The following MED27 variants were observed in gnomAD, a reference collection of about 807,000 sequenced individuals.
The protein encoded by MED27 is mediator of RNA polymerase II transcription subunit 27.
Under a neutral mutation model 38.2 loss-of-function variants are expected in MED27, and 30 were observed. The ratio of observed to expected loss-of-function variants is 0.79; its 90% CI spans 0.59 to 1.07. The LOEUF (loss-of-function observed/expected upper bound fraction) is 1.07. Among genes scored for constraint, MED27 ranks in the 50% least tolerant of loss-of-function variants. The pLI, the probability that MED27 is intolerant of heterozygous loss-of-function variation, is 0.00. For synonymous variants in MED27, 122 were observed against 153.5 expected (o/e 0.79, Z 1.52); for missense variants, 289 against 397.5 (o/e 0.73, Z 2.32).
intron 2 of MED27, among the ~76,000 whole-genome samples, chr9:132,068,857 T>C (rs1259862931): frequency 6.6e-6 from 1 of 152,066 alleles, no homozygotes; most frequent in Non-Finnish European, 1.5e-5. Flanking sequence ...TGTGTGTGGC[T>C]GGCAAGTGAA....
chr9:132,056,090 A>AT (rs1479463657), intron 2 of MED27, among the ~76,000 whole-genome samples: 4 of 152,196 alleles, frequency 2.6e-5, no homozygotes, highest in Non-Finnish European at 5.9e-5. Context: ...TAAAATTGCA[A>AT]TTTTATCCTC....
intron 2 of MED27, chr9:132,073,421 C>G: frequency 9.2e-7 from 1 of 1,091,264 alleles, no homozygotes; most frequent in Non-Finnish European, 1.1e-6. Context: ...GTACCAGGCG[C>G]CTTGCTAGTT....
chr9:131,884,083 T>C lies in MED27; in HGVS notation c.698A>G (p.Lys233Arg). 1 of 1,611,420 alleles carries C rather than the reference T, an allele frequency of 6.2e-7. No homozygotes were observed. Among genetic ancestry groups the C allele is most frequent in the African/African-American group, 1.3e-5 (1 of 74,972 alleles). ...CTTCTGGAATACTTGATAGTTGGAT[T>C]TGGACCATATATCAAGCTGAGGGGA... Reference protein sequence around the residue: ...TEDGKLDIWSKSNYQVFQKVT... With the variant: ...TEDGKLDIWSRSNYQVFQKVT... The change falls in exon 6 of 8, where the codon AAA becomes AGA. Residue 233 changes from lysine (K) to arginine (R), a missense_variant. Lys to Arg is a conservative substitution (Grantham distance 26). Coordinates refer to ENST00000292035, the MANE Select transcript of MED27 (RefSeq NM_004269.4).
At chr9:131,939,336 A>G in intron 4 of MED27, 45 bp downstream of exon 4, 1 of 1,383,878 alleles carries the variant, frequency 7.2e-7, no homozygotes, top group Non-Finnish European at 1.0e-6. Flanking sequence ...TGTGAAGTCC[A>G]TTTTTTCCCC....
chr9:132,017,604 G>C (rs1005493218), intron 2 of MED27, among the ~76,000 whole-genome samples: 2 of 152,200 alleles, frequency 1.3e-5, no homozygotes, highest in African/African-American at 4.8e-5. Flanking sequence ...GGGAATGGGA[G>C]TGTTTATGTG....
intron 4 of MED27, among the ~76,000 whole-genome samples, chr9:131,895,634 A>C (rs565567640): frequency 6.6e-6 from 1 of 152,254 alleles, no homozygotes; most frequent in Non-Finnish European, 1.5e-5. Context: ...CATGGTAAGA[A>C]AAAACATTTA....
chr9:132,017,614 G>A (rs1398501902), intron 2 of MED27, among the ~76,000 whole-genome samples: 3 of 152,282 alleles, frequency 2.0e-5, no homozygotes, highest in South Asian at 2.1e-4. Context: ...GTGTTTATGT[G>A]CTGAGTTGGA....
intron 4 of MED27, among the ~76,000 whole-genome samples, chr9:131,930,906 T>G (rs74486476): frequency 0.029 from 4,484 of 152,256 alleles, 226 homozygotes; most frequent in African/African-American, 0.1. Flanking sequence ...TTTGCCTTTT[T>G]TTTGTTTGTT....
chr9:131,979,196 C>T (rs1006928686), intron 3 of MED27, among the ~76,000 whole-genome samples: 2 of 152,080 alleles, frequency 1.3e-5, no homozygotes, highest in African/African-American at 4.8e-5. Context: ...TCTGGCTCTC[C>T]CGAGGCACAT....
intron 3 of MED27, among the ~76,000 whole-genome samples, chr9:131,994,424 T>C (rs1423841500): frequency 6.6e-6 from 1 of 152,112 alleles, no homozygotes; most frequent in Non-Finnish European, 1.5e-5. Flanking sequence ...CCCAGGGCAA[T>C]GGCAGAGATT....
At chr9:132,034,297 T>C (rs866125584) in intron 2 of MED27, among the ~76,000 whole-genome samples, 60 of 151,622 alleles carry the variant, frequency 4.0e-4, no homozygotes, top group African/African-American at 1.4e-3. Flanking sequence ...GAAAGAGGAG[T>C]TTAAAAGTGT....
At chr9:132,047,853 C>T (rs936903358) in intron 2 of MED27, among the ~76,000 whole-genome samples, 2 of 151,910 alleles carry the variant, frequency 1.3e-5, no homozygotes, top group Admixed American at 1.3e-4. Flanking sequence ...CAAGAATGAA[C>T]ACAACAAAGC....
intron 3 of MED27, among the ~76,000 whole-genome samples, chr9:131,957,991 G>T (rs1831139917): frequency 6.6e-6 from 1 of 152,006 alleles, no homozygotes; most frequent in African/African-American, 2.4e-5. Context: ...CTGGGAGGGG[G>T]CAGATGACTG....
At chr9:132,045,903 C>T (rs1833326675) in intron 2 of MED27, among the ~76,000 whole-genome samples, 1 of 152,168 alleles carries the variant, frequency 6.6e-6, no homozygotes, top group South Asian at 2.1e-4. Flanking sequence ...TCACTACTTC[C>T]TCCAGGTTGC....
At chr9:132,019,687 C>T (rs897818962) in intron 2 of MED27, among the ~76,000 whole-genome samples, 3 of 152,352 alleles carry the variant, frequency 2.0e-5, no homozygotes, top group East Asian at 1.9e-4. Context: ...TCACACCATT[C>T]GCAGGAGGAC....
chr9:131,928,192 G>C (rs1342450853), intron 4 of MED27, among the ~76,000 whole-genome samples: 1 of 152,136 alleles, frequency 6.6e-6, no homozygotes, highest in Non-Finnish European at 1.5e-5. Context: ...GTGGCTCTTA[G>C]GAAAATGCCG....
rs1406036171 is a variant in MED27 at position 131,917,584 on chromosome 9, G to A, written c.573+21797C>T. On this transcript the variant is annotated intron_variant, in intron 4 of 7. Coordinates refer to ENST00000292035, the MANE Select transcript of MED27 (RefSeq NM_004269.4). The surrounding 1 kb of genome is among the most constrained non-coding windows in gnomAD (Gnocchi z 4.6). ...GTGGGGGGCTAGTGTGCAGGGACGA[G>A]GTAGGCTGATAGCACATCAGGAAGA... is the stretch of plus-strand genomic sequence containing the variant. Among the ~76,000 whole-genome samples the A allele has an allele frequency of 6.6e-6, 1 of 152,168 alleles. No individual in the cohort carries two copies. The highest frequency in any genetic ancestry group is 1.5e-5 in the Non-Finnish European group (1 of 68,046).
intron 3 of MED27, among the ~76,000 whole-genome samples, chr9:131,975,362 T>C (rs1009121051): frequency 1.3e-5 from 2 of 152,356 alleles, no homozygotes; most frequent in African/African-American, 2.4e-5. Flanking sequence ...AAGTTACTAT[T>C]CCTTTCATCT....
At chr9:132,031,339 T>C (rs1323072991) in intron 2 of MED27, among the ~76,000 whole-genome samples, 4 of 152,220 alleles carry the variant, frequency 2.6e-5, no homozygotes, top group Non-Finnish European at 4.4e-5. Flanking sequence ...AAACATTTCA[T>C]AGTCATAATA....
Sources: gnomAD v4.1 joint callset for allele counts (sites outside exome capture counted in the v4.1 genomes callset) on GRCh38, gnomAD v4.1.1 for gene constraint, Gnocchi (gnomAD v3.1) non-coding constraint, MANE v1.5 for transcripts, NCBI Gene and HGNC (gene_info 2026-07-23, HGNC 2026-07-21) for gene names.